The following TIAM1 variants were observed in gnomAD, a reference collection of about 807,000 sequenced individuals.
TIAM1 encodes TIAM Rac1 associated GEF 1, also known as rho guanine nucleotide exchange factor TIAM1.
A neutral mutation model predicts 163.5 loss-of-function variants in TIAM1; 65 were observed. The ratio of observed to expected loss-of-function variants is 0.40; its 90% CI spans 0.33 to 0.49. The LOEUF is 0.49. Ranked by LOEUF, TIAM1 falls within the 20% of genes least tolerant of loss-of-function variation. TIAM1 has a pLI of 0.77. For missense variants in TIAM1, 1,789 were observed against 2,044.7 expected, an observed-to-expected ratio of 0.87 and a Z score of 2.41; for synonymous variants, 833 against 810.1, an observed-to-expected ratio of 1.03 and a Z score of -0.48.
intron 1 of TIAM1, among the ~76,000 whole-genome samples, chr21:31,544,306 A>T (rs2123287878): frequency 8.3e-6 from 1 of 119,944 alleles, no homozygotes; most frequent in Middle Eastern, 4.5e-3. Flanking sequence ...AGATTACATG[A>T]GGTCAGGATG....
chr21:31,343,675 T>C (rs752133377), intron 1 of TIAM1, among the ~76,000 whole-genome samples: 1 of 152,094 alleles, frequency 6.6e-6, no homozygotes, highest in Non-Finnish European at 1.5e-5. Context: ...TCTCACTTGA[T>C]TCCCAAGCCT....
rs1473271992 is a variant in TIAM1 at position 31,154,116 on chromosome 21, A to C, written c.3171+131T>G. On this transcript the variant is annotated intron_variant, in intron 17 of 27. Coordinates refer to ENST00000541036, the MANE Select transcript of TIAM1 (RefSeq NM_001353694.2). ...GCTTTTAACATTCAGAGTATAGGCA[A>C]AATTCCAGGAGAAACCAAGACGCTC... The C allele has an allele frequency of 2.3e-5, 25 of 1,093,106 alleles. No individual in the cohort carries two copies. The East Asian group carries it at 5.7e-4, about 25-fold the overall frequency. 67.7% of individuals were successfully genotyped at this position (1,093,106 alleles called of 1,614,324 possible).
chr21:31,403,020 ACGG>A lies in TIAM1; in HGVS notation c.-369+60960_-369+60962del, dbSNP rs143077595. On this transcript the variant is annotated intron_variant, in intron 2 of 28. Coordinates refer to the TIAM1 transcript ENST00000286827. ...CAAGAAGACAGGGGCTCACAGCACCACGGCTAATGTGCAGGGCTCATAATCACA... is the reference window on the plus strand; with the variant it reads ...CAAGAAGACAGGGGCTCACAGCACCACTAATGTGCAGGGCTCATAATCACA... Among the ~76,000 whole-genome samples, 533 of 152,326 alleles carry A rather than the reference ACGG, an allele frequency of 3.5e-3. 3 individuals carry two copies. The highest frequency in any genetic ancestry group is 0.012 in the African/African-American group (502 of 41,596).
intron 2 of TIAM1, among the ~76,000 whole-genome samples, chr21:31,427,839 C>T (rs574361225): frequency 1.3e-5 from 2 of 151,808 alleles, no homozygotes; most frequent in African/African-American, 4.8e-5. Flanking sequence ...GTCTCAAAAA[C>T]AATAAATAAA....
At chr21:31,229,289 T>C (rs1439947770) in intron 6 of TIAM1, among the ~76,000 whole-genome samples, 1 of 152,070 alleles carries the variant, frequency 6.6e-6, no homozygotes, top group Non-Finnish European at 1.5e-5. Flanking sequence ...CAGGGGTGTG[T>C]TCAGTTTGTT....
At chr21:31,180,476 AGGTGGT>A (rs1228643959) in intron 15 of TIAM1, among the ~76,000 whole-genome samples, 1 of 152,002 alleles carries the variant, frequency 6.6e-6, no homozygotes. Flanking sequence ...TTACAAAAAC[AGGTGGT>A]GGGCTGCTTT....
At chr21:31,518,073 G>A (rs1214430542) in intron 1 of TIAM1, among the ~76,000 whole-genome samples, 2 of 152,114 alleles carry the variant, frequency 1.3e-5, no homozygotes, top group African/African-American at 4.8e-5. Context: ...TCTTTTGCTA[G>A]TCTAACATAT....
rs781153297 is a variant in TIAM1 at position 31,181,756 on chromosome 21, CTTTTTTTTTTTTTTTTTTTTTTTT to C, written c.2887+641_2887+664del. On this transcript the variant is annotated intron_variant, in intron 15 of 27. Transcript: ENST00000541036. ...CCCAGCACTTCTTCTTCTTCTTCTT[CTTTTTTTTTTTTTTTTTTTTTTTT>C]TTTTTTTTTTTTTTTTTTTTTTTTT... Among the ~76,000 whole-genome samples, 137 of 41,312 alleles carry C rather than the reference CTTTTTTTTTTTTTTTTTTTTTTTT, an allele frequency of 3.3e-3. 9 individuals carry two copies. Among genetic ancestry groups the C allele is most frequent in the South Asian group, 0.019 (22 of 1,188 alleles). 27.1% of individuals were successfully genotyped at this position (41,312 alleles called of 152,430 possible). A position where few individuals can be genotyped will look rare whatever the true frequency, so the allele number is the denominator to read the frequency against.
At chr21:31,336,841 G>A (rs2075857451) in intron 2 of TIAM1, among the ~76,000 whole-genome samples, 1 of 152,168 alleles carries the variant, frequency 6.6e-6, no homozygotes, top group African/African-American at 2.4e-5. Flanking sequence ...GAGCAGGCAG[G>A]AGGCCAATGG....
intron 2 of TIAM1, among the ~76,000 whole-genome samples, chr21:31,296,910 G>A (rs1224673088): frequency 1.4e-4 from 22 of 152,100 alleles, no homozygotes; most frequent in Admixed American, 1.2e-3. Flanking sequence ...TAATCCGCCC[G>A]CCTTGGCCTC....
chr21:31,147,793 T>A (rs1025323134), intron 19 of TIAM1, among the ~76,000 whole-genome samples: 8 of 142,858 alleles, frequency 5.6e-5, no homozygotes, highest in South Asian at 2.1e-4. Flanking sequence ...TTAAAATATA[T>A]ATATATATAT....
chr21:31,186,361 C>T (rs2085302670), intron 14 of TIAM1, among the ~76,000 whole-genome samples: 1 of 152,080 alleles, frequency 6.6e-6, no homozygotes, highest in Non-Finnish European at 1.5e-5. Flanking sequence ...CCAGTGTGGA[C>T]CAAAGTACAG....
At chr21:31,524,792 C>G (rs1300238665) in intron 1 of TIAM1, among the ~76,000 whole-genome samples, 1 of 152,128 alleles carries the variant, frequency 6.6e-6, no homozygotes, top group East Asian at 1.9e-4. Flanking sequence ...GTGCCTTGTA[C>G]CATTCCAAAC....
intron 1 of TIAM1, among the ~76,000 whole-genome samples, chr21:31,486,283 C>T (rs932127404): frequency 8.5e-5 from 13 of 152,234 alleles, no homozygotes; most frequent in Non-Finnish European, 1.9e-4. Flanking sequence ...CGCTCGCCCT[C>T]TGACAGCCAG....
chr21:31,337,731 A>G lies in TIAM1; in HGVS notation c.-189+1512T>C, dbSNP rs1331658924. Among the ~76,000 whole-genome samples, 6 of 151,996 alleles carry G rather than the reference A, an allele frequency of 3.9e-5. No homozygotes were observed. In the South Asian group the frequency reaches 1.2e-3, roughly 32 times the overall value. On this transcript the variant is annotated intron_variant, in intron 2 of 27. Transcript: ENST00000541036. The stretch of plus-strand genomic sequence containing the variant: ...ATTTTAGTAGAGACAGGGTTTCACC[A>G]TGTTGGCTAGACTGGCTCGGACTCT...
intron 19 of TIAM1, among the ~76,000 whole-genome samples, chr21:31,151,984 C>T (rs1057220906): frequency 3.4e-5 from 5 of 148,428 alleles, no homozygotes; most frequent in East Asian, 2.0e-4. Context: ...TCCCAGAACA[C>T]GATAAATTAA....
At chr21:31,218,815 G>C (rs2087368640) in intron 8 of TIAM1, among the ~76,000 whole-genome samples, 10 of 151,922 alleles carry the variant, frequency 6.6e-5, no homozygotes, top group Admixed American at 6.6e-4. Context: ...TGTGGTCTAG[G>C]ATGTCCCTAC....
intron 1 of TIAM1, among the ~76,000 whole-genome samples, chr21:31,509,486 C>G (rs561126486): frequency 8.5e-5 from 13 of 152,326 alleles, no homozygotes; most frequent in Admixed American, 7.2e-4. Context: ...TGTTCCAGCA[C>G]TCATCACTGC....
At chr21:31,441,309 C>A (rs2044409354) in intron 2 of TIAM1, among the ~76,000 whole-genome samples, 1 of 152,188 alleles carries the variant, frequency 6.6e-6, no homozygotes, top group Admixed American at 6.5e-5. Flanking sequence ...GCATAAGAAT[C>A]ACATGTGACA....
Sources: allele counts gnomAD v4.1 joint callset (sites outside exome capture counted in the v4.1 genomes callset), GRCh38; gene constraint gnomAD v4.1.1; transcripts MANE v1.5; gene names NCBI Gene and HGNC (gene_info 2026-07-23, HGNC 2026-07-21).